Variants in JAK1 observed in about 807,000 individuals in gnomAD.
JAK1 encodes tyrosine-protein kinase JAK1.
In JAK1, 16 loss-of-function variants were observed where a neutral mutation model predicts 136.6. The observed-to-expected ratio is 0.12, with a 90% confidence interval of 0.08 to 0.18. The LOEUF (loss-of-function observed/expected upper bound fraction) is 0.18, where lower values mean the gene tolerates loss of function less well. JAK1 is among the 10% of genes least tolerant of loss of function. The probability of loss-of-function intolerance (pLI) is 1.00; values close to 1 mark genes in which losing one functional copy is unlikely to be tolerated. For synonymous variants in JAK1, 492 were observed against 519.5 expected (o/e 0.95, Z 0.72); for missense variants, 859 against 1,450.1 (o/e 0.59, Z 6.62).
chr1:64,980,909 A>C (rs1385353016), intron 2 of JAK1, among the ~76,000 whole-genome samples: 1 of 152,102 alleles, frequency 6.6e-6, no homozygotes, highest in Non-Finnish European at 1.5e-5. Flanking sequence ...TGAACTCATC[A>C]TTTTTTATGG....
At chr1:64,980,647 A>G (rs887912715) in intron 2 of JAK1, among the ~76,000 whole-genome samples, 3 of 151,546 alleles carry the variant, frequency 2.0e-5, no homozygotes, top group Admixed American at 6.6e-5. Context: ...ATATGTATAC[A>G]TGTGCCATGT....
upstream of JAK1, among the ~76,000 whole-genome samples, chr1:64,970,195 T>C (rs1257149143): frequency 6.9e-6 from 1 of 145,282 alleles, no homozygotes; most frequent in African/African-American, 2.6e-5. Flanking sequence ...TCCTAGCACT[T>C]TGGGAGGCCA....
At chr1:64,985,882 T>G (rs1646594006) in intron 2 of JAK1, 3 of 641,512 alleles carry the variant, frequency 4.7e-6, no homozygotes, top group Non-Finnish European at 8.4e-6. Context: ...ATACAACCAA[T>G]GGAGAATATG....
chr1:64,907,780 C>T lies in JAK1; in HGVS notation c.-77-21439G>A, dbSNP rs149367493. On this transcript the variant is annotated intron_variant, in intron 1 of 24. Transcript: ENST00000342505. ...TATAGGTGGAGCCCCTGAAAGGACACAGAAGTTACCTCCAAGTGTAATAAA... is the reference window on the plus strand; with the variant it reads ...TATAGGTGGAGCCCCTGAAAGGACATAGAAGTTACCTCCAAGTGTAATAAA... Among the ~76,000 whole-genome samples, 980 of 152,266 alleles carry T rather than the reference C, an allele frequency of 6.4e-3. 7 individuals carry two copies. Among genetic ancestry groups the T allele is most frequent in the Non-Finnish European group, 7.5e-3 (513 of 68,024 alleles).
upstream of JAK1, among the ~76,000 whole-genome samples, chr1:64,966,657 G>C (rs1646388891): frequency 6.7e-6 from 1 of 149,766 alleles, no homozygotes; most frequent in South Asian, 2.1e-4. Flanking sequence ...AAGCGGGGCG[G>C]GGTCGCGGTC....
chr1:64,889,795 G>A (rs894748937), intron 1 of JAK1, among the ~76,000 whole-genome samples: 6 of 152,144 alleles, frequency 3.9e-5, no homozygotes, highest in African/African-American at 1.4e-4. Context: ...CACACATTTT[G>A]GATAGTGGAC....
At chr1:64,977,645 A>G (rs1256100537) in intron 2 of JAK1, among the ~76,000 whole-genome samples, 1 of 128,964 alleles carries the variant, frequency 7.8e-6, no homozygotes, top group African/African-American at 2.9e-5. Flanking sequence ...GTTAGCAAGG[A>G]TGGTCTCAAT....
intron 1 of JAK1, among the ~76,000 whole-genome samples, chr1:64,956,728 G>A (rs191434164): frequency 2.7e-4 from 41 of 152,276 alleles, no homozygotes; most frequent in Admixed American, 2.4e-3. Flanking sequence ...ATTTGGGGGA[G>A]GTAAGGAGCA....
chr1:64,945,704 T>C (rs1388576503), intron 1 of JAK1, among the ~76,000 whole-genome samples: 1 of 151,072 alleles, frequency 6.6e-6, no homozygotes, highest in Non-Finnish European at 1.5e-5. Flanking sequence ...CCTTCTCAAT[T>C]TGTACCCTGT....
chr1:64,928,789 A>AAAAAAAAC (rs1378916518), intron 1 of JAK1, among the ~76,000 whole-genome samples: 11 of 123,186 alleles, frequency 8.9e-5, no homozygotes, highest in East Asian at 4.9e-4. Context: ...AAAAAAAAAA[A>AAAAAAAAC]AAAAAAACAA....
intron 11 of JAK1, among the ~76,000 whole-genome samples, chr1:64,854,930 A>G (rs1655832485): frequency 6.6e-6 from 1 of 152,148 alleles, no homozygotes; most frequent in Non-Finnish European, 1.5e-5. Context: ...TCAGTTCAAG[A>G]GCTGCCTCCT....
chr1:64,983,935 A>G (rs1172008759), intron 2 of JAK1, among the ~76,000 whole-genome samples: 2 of 152,230 alleles, frequency 1.3e-5, no homozygotes, highest in African/African-American at 4.8e-5. Context: ...GGTAATGTGC[A>G]GATCTCAGGC....
At chr1:65,039,046 C>G (rs57282853) in intron 2 of JAK1, among the ~76,000 whole-genome samples, 2,533 of 152,268 alleles carry the variant, frequency 0.017, 63 homozygotes, top group African/African-American at 0.058. Context: ...ATCCTCCTGC[C>G]TCAGCCTCCC....
At chr1:64,883,919 A>T (rs1303947260) in intron 2 of JAK1, among the ~76,000 whole-genome samples, 2 of 152,154 alleles carry the variant, frequency 1.3e-5, no homozygotes. Context: ...TATGGCAAGA[A>T]TCAGCATTTT....
At chr1:64,904,784 G>A (rs1009924752) in intron 1 of JAK1, among the ~76,000 whole-genome samples, 3 of 151,860 alleles carry the variant, frequency 2.0e-5, no homozygotes, top group African/African-American at 7.3e-5. Flanking sequence ...ATAAACACAA[G>A]CATGGGATAA....
At chr1:65,049,077 T>C (rs1421834381) in intron 1 of JAK1, among the ~76,000 whole-genome samples, 1 of 152,158 alleles carries the variant, frequency 6.6e-6, no homozygotes, top group Non-Finnish European at 1.5e-5. Context: ...GGGGCTTGCA[T>C]CCACAATCTG....
chr1:64,880,369 T>C (rs1644752550), intron 3 of JAK1, among the ~76,000 whole-genome samples: 1 of 152,228 alleles, frequency 6.6e-6, no homozygotes, highest in Non-Finnish European at 1.5e-5. Flanking sequence ...TTAGGACAAA[T>C]AATTCAAATA....
upstream of JAK1, among the ~76,000 whole-genome samples, chr1:64,971,527 C>A (rs534304289): frequency 6.6e-6 from 1 of 151,414 alleles, no homozygotes; most frequent in Non-Finnish European, 1.5e-5. Flanking sequence ...TGCAGAGACG[C>A]GGTTTCATCA....
intron 1 of JAK1, among the ~76,000 whole-genome samples, chr1:64,956,301 G>A (rs546204533): frequency 3.2e-4 from 49 of 152,340 alleles, no homozygotes; most frequent in African/African-American, 1.1e-3. Context: ...AAGAAAGACG[G>A]TATCAATCTT....
Sources: gnomAD v4.1 joint callset for allele counts (sites outside exome capture counted in the v4.1 genomes callset) on GRCh38, gnomAD v4.1.1 for gene constraint, MANE v1.5 for transcripts, NCBI Gene and HGNC (gene_info 2026-07-23, HGNC 2026-07-21) for gene names.